DNAH8: variants seen among roughly 807,000 people sequenced by gnomAD.
The protein encoded by DNAH8 is axonemal beta dynein heavy chain 8.
DNAH8 carries 382 observed loss-of-function variants against 562.1 expected under a neutral mutation model. The ratio of observed to expected loss-of-function variants is 0.68; its 90% CI spans 0.63 to 0.74. The LOEUF (loss-of-function observed/expected upper bound fraction) is 0.74, where lower values mean the gene tolerates loss of function less well. Ranked by LOEUF, DNAH8 falls within the 30% of genes least tolerant of loss-of-function variation. The probability of loss-of-function intolerance (pLI) is 0.00; values close to 1 mark genes in which losing one functional copy is unlikely to be tolerated. For synonymous variants in DNAH8, 1,881 were observed against 1,919.4 expected (o/e 0.98, Z 0.52); for missense variants, 5,203 against 5,620.4 (o/e 0.93, Z 2.37).
At chr6:38,875,547 C>A in intron 52 of DNAH8, 44 bp from the exon 53 acceptor site, 1 of 1,198,920 alleles carries the variant, frequency 8.3e-7, no homozygotes, top group Non-Finnish European at 1.1e-6. Flanking sequence ...TTTTTATTTT[C>A]AAAATTTTAA....
At chr6:38,853,440 A>G (rs1775926911) in intron 41 of DNAH8, 93 bp downstream of exon 41, 1 of 1,382,876 alleles carries the variant, frequency 7.2e-7, no homozygotes, top group African/African-American at 1.5e-5. Flanking sequence ...GTGTGAGGCA[A>G]TTGTAGCTTT....
In DNAH8 at chr6:38,917,916, A is replaced by AT. The variant is rs774267260; in HGVS notation, c.10309-4dup. 7.5e-6 allele frequency: 12 copies of AT among 1,600,348 alleles called. No homozygotes were observed. Among genetic ancestry groups the AT allele is most frequent in the Non-Finnish European group, 1.0e-5 (12 of 1,172,392 alleles). ...TCCAGAACTTACAGGTTATAATACTATTTTTCAGTTGATGAGTGCAACAGG... is the reference window on the plus strand; with the variant it reads ...TCCAGAACTTACAGGTTATAATACTATTTTTTCAGTTGATGAGTGCAACAGG... On this transcript the variant is annotated splice_polypyrimidine_tract_variant and intron_variant, in intron 69 of 92. Coordinates refer to ENST00000327475, the MANE Select transcript of DNAH8 (RefSeq NM_001206927.2).
chr6:38,922,970 C>T (rs1781829276), intron 71 of DNAH8, 88 bp from the exon 72 acceptor site: 6 of 1,345,520 alleles, frequency 4.5e-6, no homozygotes, highest in East Asian at 4.7e-5. Context: ...AAGAAATTCC[C>T]CCATGTATTT....
intron 30 of DNAH8, among the ~76,000 whole-genome samples, chr6:38,831,060 A>T (rs1294354729): frequency 6.6e-6 from 1 of 152,210 alleles, no homozygotes; most frequent in African/African-American, 2.4e-5. Context: ...CAGAGGAGCG[A>T]GTCTTAGAAA....
At chr6:38,739,427 T>C (rs1764354647) in intron 7 of DNAH8, among the ~76,000 whole-genome samples, 1 of 152,216 alleles carries the variant, frequency 6.6e-6, no homozygotes, top group Non-Finnish European at 1.5e-5. Context: ...TTTATTTATT[T>C]TAAATAGTGA....
rs748063803 is a variant in DNAH8, at chr6:38,729,958, G to A, written c.582G>A (p.Leu194=). Residue 194 remains leucine, a synonymous_variant, in exon 4 of 93, where the codon TTG becomes TTA. Coordinates refer to ENST00000327475, the MANE Select transcript of DNAH8 (RefSeq NM_001206927.2). ...AKDGCKTLKF[L]YQEGDVPGIE... Reference sequence around the variant, plus strand: ...ATGGTTGTAAGACACTGAAATTTTTGTACCAAGAAGGAGATGTACCTGGTA... The same window carrying A: ...ATGGTTGTAAGACACTGAAATTTTTATACCAAGAAGGAGATGTACCTGGTA... 5 of 1,595,082 alleles carry A rather than the reference G, an allele frequency of 3.1e-6. No individual in the cohort carries two copies. Among genetic ancestry groups the A allele is most frequent in the Non-Finnish European group, 4.3e-6 (5 of 1,166,296 alleles).
Position 39,016,077 on chromosome 6 carries a change from G to C in DNAH8, c.13714+3440G>C, listed in dbSNP as rs16891428. 0.011 allele frequency among the ~76,000 whole-genome samples: 1,694 copies of C among 152,280 alleles called. 110 individuals are homozygous for C. In the East Asian group the frequency reaches 0.16, roughly 14 times the overall value. ...CAGCTACTCCATACATGTTCCCAGG[G>C]AGTGTGCAAACAGATAGAGTCCTTT... On this transcript the variant is annotated intron_variant, in intron 91 of 92. Coordinates refer to ENST00000327475, the MANE Select transcript of DNAH8 (RefSeq NM_001206927.2).
chr6:39,024,028 C>A (rs969276021), intron 91 of DNAH8, among the ~76,000 whole-genome samples: 1 of 152,168 alleles, frequency 6.6e-6, no homozygotes, highest in Non-Finnish European at 1.5e-5. Context: ...CATGATGTCT[C>A]CTTATTTTCA....
intron 17 of DNAH8, among the ~76,000 whole-genome samples, chr6:38,783,401 T>C (rs2127643270): frequency 6.6e-6 from 1 of 152,318 alleles, no homozygotes; most frequent in South Asian, 2.1e-4. Context: ...TAAAAATATC[T>C]TTAGGGATAT....
intron 62 of DNAH8, among the ~76,000 whole-genome samples, chr6:38,904,827 A>G (rs1780333232): frequency 6.6e-6 from 1 of 151,918 alleles, no homozygotes; most frequent in South Asian, 2.1e-4. Flanking sequence ...GAATCTGAAA[A>G]TGTTAAGACA....
intron 92 of DNAH8, among the ~76,000 whole-genome samples, chr6:39,028,125 A>G (rs959669744): frequency 6.6e-6 from 1 of 151,968 alleles, no homozygotes; most frequent in South Asian, 2.1e-4. Context: ...CCCACCAACA[A>G]TCTCTTTTAG....
chr6:39,012,539 G>C lies in DNAH8; in HGVS notation c.13616G>C (p.Trp4539Ser). ...TGGGATTCGTCCACACTGGGCTTCT[G>C]GTTCACTGAACTTTTGGAAAGAAAT... is the stretch of plus-strand genomic sequence containing the variant. ...VSWDSSTLGF[W>S]FTELLERNAQ... Residue 4539 changes from tryptophan to serine, a missense_variant, in exon 91 of 93, where the codon TGG (tryptophan) becomes TCG (serine). Trp to Ser is a radical substitution (Grantham distance 177). This residue lies in a region of DNAH8 where 1,399 missense variants were observed against 1,518.4 expected (regional missense o/e 0.92). Coordinates refer to ENST00000327475, the MANE Select transcript of DNAH8 (RefSeq NM_001206927.2). 1 of 1,613,922 alleles carries C rather than the reference G, an allele frequency of 6.2e-7. No individual in the cohort carries two copies.
At chr6:38,921,318 T>G (rs1454056251) in intron 70 of DNAH8, 51 bp from the exon 71 acceptor site, 1 of 1,583,880 alleles carries the variant, frequency 6.3e-7, no homozygotes, top group Non-Finnish European at 8.6e-7. Context: ...CCAGTTACAA[T>G]CATGACTGTT....
At chr6:38,715,663 G>C (rs1762215988) in intron 1 of DNAH8, among the ~76,000 whole-genome samples, 2 of 151,706 alleles carry the variant, frequency 1.3e-5, no homozygotes, top group African/African-American at 4.8e-5. Context: ...TTTGAGACTA[G>C]AAAACCAAAT....
At position 38,802,608 on chromosome 6, in the gene DNAH8, G is replaced by C. The variant is rs1328622773; in HGVS notation, c.2902-571G>C. On this transcript the variant is annotated intron_variant, in intron 21 of 92. Coordinates refer to ENST00000327475, the MANE Select transcript of DNAH8 (RefSeq NM_001206927.2). ...GTTTCAAATAGTTTTTCCAACTACT[G>C]TGTGACCTGGGAAAATTTCTTACTC... Among the ~76,000 whole-genome samples the C allele has an allele frequency of 3.9e-5, 6 of 152,158 alleles. No individual in the cohort carries two copies. In the South Asian group the frequency reaches 1.2e-3, roughly 31 times the overall value.
rs992661427 is a variant in DNAH8, at chr6:38,915,378, G to A, written c.10140+1G>A. 1.0e-5 allele frequency: 16 copies of A among 1,583,108 alleles called. No homozygotes were observed. The highest frequency in any genetic ancestry group is 1.4e-5 in the Non-Finnish European group (16 of 1,168,860). ...GGAAGAAGCAGAAGCAGCCCTGAAT[G>A]TGAGCAGTGCATTGTTACCCCTTCC... On this transcript the variant is annotated splice_donor_variant, in intron 68 of 92. Transcript: ENST00000327475. LOFTEE classifies it high-confidence loss of function.
At chr6:38,745,228 G>A (rs1187688729) in intron 8 of DNAH8, among the ~76,000 whole-genome samples, 1 of 152,114 alleles carries the variant, frequency 6.6e-6, no homozygotes, top group African/African-American at 2.4e-5. Context: ...GGTCATGGGG[G>A]AACAAATGCA....
At chr6:38,948,854 G>T (rs934246419) in intron 80 of DNAH8, among the ~76,000 whole-genome samples, 5 of 152,046 alleles carry the variant, frequency 3.3e-5, no homozygotes, top group Admixed American at 6.5e-5. Flanking sequence ...TCGTTATTAG[G>T]CTTTAGGTCT....
At chr6:38,991,145 G>A (rs762804109) in intron 88 of DNAH8, among the ~76,000 whole-genome samples, 2 of 152,112 alleles carry the variant, frequency 1.3e-5, no homozygotes, top group South Asian at 2.1e-4. Context: ...TTGTCTTCCC[G>A]CCTCTGACCA....
Sources: allele counts gnomAD v4.1 joint callset (sites outside exome capture counted in the v4.1 genomes callset), GRCh38; gene constraint gnomAD v4.1.1; regional missense constraint gnomAD v4.1.1; transcripts MANE v1.5; gene names NCBI Gene and HGNC (gene_info 2026-07-23, HGNC 2026-07-21).